The following SPON1 variants were observed in gnomAD, a reference collection of about 807,000 sequenced individuals.
SPON1 encodes spondin-1.
In SPON1, 52 loss-of-function variants were observed where a neutral mutation model predicts 111.7. The ratio of observed to expected loss-of-function variants is 0.47; its 90% CI spans 0.37 to 0.59. The LOEUF is 0.59. Ranked by LOEUF, SPON1 falls within the 20% of genes least tolerant of loss-of-function variation. The pLI, the probability that SPON1 is intolerant of heterozygous loss-of-function variation, is 0.00. For synonymous variants in SPON1, 410 were observed against 395.8 expected, an observed-to-expected ratio of 1.04 and a Z score of -0.43; for missense variants, 957 against 1,068.5, an observed-to-expected ratio of 0.90 and a Z score of 1.46.
At chr11:14,119,723 T>C (rs1554926308) in intron 5 of SPON1, among the ~76,000 whole-genome samples, 1 of 152,162 alleles carries the variant, frequency 6.6e-6, no homozygotes, top group Non-Finnish European at 1.5e-5. Flanking sequence ...CCACATGTGA[T>C]ACACAATTGT....
At chr11:14,095,557 AG>A (rs781985046) in intron 5 of SPON1, among the ~76,000 whole-genome samples, 2 of 152,054 alleles carry the variant, frequency 1.3e-5, no homozygotes, top group Non-Finnish European at 2.9e-5. Context: ...GTGTAGTTCT[AG>A]TTGAATTCCA....
At position 14,131,764 on chromosome 11, in the gene SPON1, G is replaced by GA. The variant is rs1554927530; in HGVS notation, c.677-3655dup. 2.9e-4 allele frequency among the ~76,000 whole-genome samples: 44 copies of GA among 152,178 alleles called. 2 individuals carry two copies. Among genetic ancestry groups the GA allele is most frequent in the Admixed American group, 2.9e-3 (44 of 15,274 alleles). The stretch of plus-strand genomic sequence containing the variant: ...TGGTTATAAATGGGGCCTGGAGCCA[G>GA]AGTCTTCTGGCTCCTGGTCACCATG... On this transcript the variant is annotated intron_variant, in intron 5 of 15. Coordinates refer to ENST00000576479, the MANE Select transcript of SPON1 (RefSeq NM_006108.4).
intron 6 of SPON1, among the ~76,000 whole-genome samples, chr11:14,211,145 G>C (rs189255607): frequency 1.3e-5 from 2 of 152,208 alleles, no homozygotes; most frequent in Admixed American, 6.5e-5. Context: ...TCAGGCAAGA[G>C]AAAGAAATAA....
At chr11:14,098,976 T>G (rs1335395299) in intron 5 of SPON1, among the ~76,000 whole-genome samples, 1 of 152,208 alleles carries the variant, frequency 6.6e-6, no homozygotes, top group Non-Finnish European at 1.5e-5. Context: ...AAGGCCATAC[T>G]AGCTTTGAGG....
In SPON1 at chr11:14,194,041, C is replaced by A. The variant is rs782234096; in HGVS notation, c.826-49291C>A. On this transcript the variant is annotated intron_variant, in intron 6 of 15. Coordinates refer to ENST00000576479, the MANE Select transcript of SPON1 (RefSeq NM_006108.4). ...TGCTGCACAGCTTGCCCAAGGAACA[C>A]GTTTTAGAAATATCTTCAGATCCAC... is the stretch of plus-strand genomic sequence containing the variant. 2.6e-5 allele frequency among the ~76,000 whole-genome samples: 4 copies of A among 152,334 alleles called. No homozygotes were observed. In the South Asian group the frequency reaches 8.3e-4, roughly 32 times the overall value.
chr11:14,258,307 G>GT (rs1189123943), intron 11 of SPON1, among the ~76,000 whole-genome samples: 2 of 152,316 alleles, frequency 1.3e-5, no homozygotes, highest in Admixed American at 1.3e-4. Context: ...CCACCTCAGC[G>GT]TGAGTCAGAG....
At chr11:14,174,910 T>C (rs1554932941) in intron 6 of SPON1, among the ~76,000 whole-genome samples, 2 of 152,174 alleles carry the variant, frequency 1.3e-5, no homozygotes, top group African/African-American at 4.8e-5. Context: ...CTTCTAAACT[T>C]TATGAAAGGT....
rs201436626 is a variant in SPON1 at position 14,014,603 on chromosome 11, C to T, written c.346-26918C>T. 2.6e-5 allele frequency among the ~76,000 whole-genome samples: 4 copies of T among 152,222 alleles called. No individual in the cohort carries two copies. The East Asian group carries it at 5.8e-4, about 22-fold the overall frequency. On this transcript the variant is annotated intron_variant, in intron 2 of 15. Coordinates refer to ENST00000576479, the MANE Select transcript of SPON1 (RefSeq NM_006108.4). Reference sequence around the variant, plus strand: ...GTGAACAACAATAAACTGAGTGGGGCGTCACTGTGCATGAGAGATGGCATA... The same window carrying T: ...GTGAACAACAATAAACTGAGTGGGGTGTCACTGTGCATGAGAGATGGCATA...
At chr11:14,059,989 G>C (rs963358009) in intron 3 of SPON1, among the ~76,000 whole-genome samples, 2 of 152,180 alleles carry the variant, frequency 1.3e-5, no homozygotes, top group Non-Finnish European at 2.9e-5. Flanking sequence ...GCTCTACCCA[G>C]TCTGAGCCTG....
chr11:14,044,412 G>C (rs1376233843), intron 3 of SPON1, among the ~76,000 whole-genome samples: 1 of 152,110 alleles, frequency 6.6e-6, no homozygotes, highest in African/African-American at 2.4e-5. Context: ...AGGAGTTCAA[G>C]ACCAGCCTGG....
At chr11:14,134,712 T>G (rs1847570520) in intron 5 of SPON1, among the ~76,000 whole-genome samples, 1 of 152,232 alleles carries the variant, frequency 6.6e-6, no homozygotes, top group African/African-American at 2.4e-5. Flanking sequence ...CTGTGCTCTC[T>G]CCAATGCATT....
Position 14,124,991 on chromosome 11 carries a change from T to A in SPON1, c.677-10429T>A, listed in dbSNP as rs11822527. ...CAGGATAATAGAAAACTGGGGGATT[T>A]CTGGCCTAAATGACAGACTTCCCCA... On this transcript the variant is annotated intron_variant, in intron 5 of 15. Transcript: ENST00000576479. Among the ~76,000 whole-genome samples the A allele has an allele frequency of 4.4e-3, 672 of 152,316 alleles. 6 individuals carry two copies. Among genetic ancestry groups the A allele is most frequent in the African/African-American group, 0.015 (618 of 41,562 alleles).
intron 6 of SPON1, among the ~76,000 whole-genome samples, chr11:14,156,720 C>G: frequency 6.6e-6 from 1 of 152,054 alleles, no homozygotes; most frequent in Non-Finnish European, 1.5e-5. Context: ...TATGGCTAGC[C>G]AGTTTTCCCA....
At chr11:14,215,470 A>AT (rs1554937079) in intron 6 of SPON1, among the ~76,000 whole-genome samples, 1 of 152,186 alleles carries the variant, frequency 6.6e-6, no homozygotes, top group African/African-American at 2.4e-5. Flanking sequence ...AAGTGTCTGC[A>AT]TGACTCTTCA....
chr11:14,174,624 G>A (rs1469772383), intron 6 of SPON1, among the ~76,000 whole-genome samples: 1 of 151,000 alleles, frequency 6.6e-6, no homozygotes, highest in Non-Finnish European at 1.5e-5. Flanking sequence ...AGTTATCTTA[G>A]GGCCTCTCCT....
intron 6 of SPON1, among the ~76,000 whole-genome samples, chr11:14,207,158 G>T (rs1285361074): frequency 2.0e-5 from 3 of 152,168 alleles, no homozygotes; most frequent in African/African-American, 4.8e-5. Flanking sequence ...TTCAATAAAT[G>T]GTGCTAGGAT....
chr11:14,033,334 G>C (rs78782307), intron 2 of SPON1, among the ~76,000 whole-genome samples: 1,698 of 152,296 alleles, frequency 0.011, 26 homozygotes, highest in African/African-American at 0.039. Flanking sequence ...TCTCCTAGAT[G>C]TCTCACTGCC....
At chr11:14,263,268 A>T (rs1457340574) in intron 15 of SPON1, among the ~76,000 whole-genome samples, 1 of 152,138 alleles carries the variant, frequency 6.6e-6, no homozygotes, top group Non-Finnish European at 1.5e-5. Flanking sequence ...TAGGAATTAC[A>T]GTTCCTTCTT....
chr11:14,199,928 A>G (rs1333351474), intron 6 of SPON1, among the ~76,000 whole-genome samples: 2 of 152,220 alleles, frequency 1.3e-5, no homozygotes, highest in African/African-American at 2.4e-5. Flanking sequence ...CCAGCCACGC[A>G]TATGTGCCCT....
Sources: gnomAD v4.1 joint callset for allele counts (sites outside exome capture counted in the v4.1 genomes callset) on GRCh38, gnomAD v4.1.1 for gene constraint, MANE v1.5 for transcripts, NCBI Gene and HGNC (gene_info 2026-07-23, HGNC 2026-07-21) for gene names.